Variants in EXOC1 observed in about 807,000 individuals in gnomAD.
EXOC1 encodes exocyst complex component 1, also known as SEC3-like 1.
EXOC1 carries 67 observed loss-of-function variants against 107.7 expected under a neutral mutation model. That is an observed-to-expected ratio of 0.62 (90% CI 0.51 to 0.76). EXOC1 has a LOEUF of 0.76. Ranked by LOEUF, EXOC1 falls within the 30% of genes least tolerant of loss-of-function variation. The pLI is 0.00. For missense variants in EXOC1, 833 were observed against 1,055.7 expected, an observed-to-expected ratio of 0.79 and a Z score of 2.92; for synonymous variants, 348 against 353.5, an observed-to-expected ratio of 0.98 and a Z score of 0.17.
Position 55,902,383 on chromosome 4 carries a change from A to G in EXOC1, c.2377A>G (p.Ile793Val). 1 of 1,572,494 alleles carries G rather than the reference A, an allele frequency of 6.4e-7. No individual in the cohort carries two copies. The highest frequency in any genetic ancestry group is 8.6e-7 in the Non-Finnish European group (1 of 1,163,032). ...EGVEARVAQG[I>V]REEEVSYQLA... The stretch of plus-strand genomic sequence containing the variant: ...TGTTGAAGCTCGCGTGGCACAGGGC[A>G]TAAGGGAGGAGGAAGTAAGTTACCA... Residue 793 changes from isoleucine to valine, a missense_variant, in exon 18 of 19, where the codon ATA becomes GTA. By Grantham distance (29) the Ile-to-Val change is conservative (BLOSUM62 3). Transcript: ENST00000381295.
chr4:55,863,261 T>C (rs1721645145), intron 3 of EXOC1, among the ~76,000 whole-genome samples: 1 of 152,138 alleles, frequency 6.6e-6, no homozygotes, highest in African/African-American at 2.4e-5. Context: ...TAGCCTGATG[T>C]GGATTATTGC....
chr4:55,877,577 G>T (rs978570348), intron 8 of EXOC1: 1 of 985,138 alleles, frequency 1.0e-6, no homozygotes, highest in African/African-American at 1.7e-5. Flanking sequence ...TATCAAGAAG[G>T]TCATTTGCTT....
intron 8 of EXOC1, 62 bp downstream of exon 8, chr4:55,872,020 C>T: frequency 1.4e-6 from 2 of 1,390,256 alleles, no homozygotes; most frequent in Non-Finnish European, 2.0e-6. Flanking sequence ...ATTAACCTTA[C>T]ATTTCCACAA....
intron 10 of EXOC1, 75 bp downstream of exon 10, chr4:55,884,003 C>A (rs958728825): frequency 9.2e-7 from 1 of 1,082,834 alleles, no homozygotes; most frequent in Admixed American, 2.8e-5. Flanking sequence ...TCTAAGACTT[C>A]TTAAGCAAGG....
intron 10 of EXOC1, 168 bp from the exon 11 acceptor site, chr4:55,888,720 T>C: frequency 3.2e-6 from 2 of 616,740 alleles, no homozygotes; most frequent in South Asian, 4.3e-5. Context: ...TCTCAAACAG[T>C]AGGTGACCAA....
At chr4:55,887,924 A>ATATCC (rs751654077) in intron 10 of EXOC1, among the ~76,000 whole-genome samples, 12,266 of 152,244 alleles carry the variant, frequency 0.081, 632 homozygotes, top group East Asian at 0.15. Flanking sequence ...AGCCAAGGCT[A>ATATCC]GAAAGATATA....
At chr4:55,900,043 C>T (rs1725717148) in intron 17 of EXOC1, among the ~76,000 whole-genome samples, 159 bp downstream of exon 17, 1 of 152,054 alleles carries the variant, frequency 6.6e-6, no homozygotes, top group South Asian at 2.1e-4. Context: ...CTGCTAGATG[C>T]TATATATTTT....
At chr4:55,877,884 A>G (rs956695497) in intron 8 of EXOC1, 33 bp from the exon 9 acceptor site, 2 of 1,610,372 alleles carry the variant, frequency 1.2e-6, no homozygotes, top group African/African-American at 2.7e-5. Context: ...TGTACTGTTG[A>G]TTACATTTAT....
chr4:55,876,315 C>T (rs755860197), intron 8 of EXOC1: 49 of 984,778 alleles, frequency 5.0e-5, no homozygotes, highest in Non-Finnish European at 5.5e-5. Flanking sequence ...CCACATAGGT[C>T]TACGCTCCGT....
chr4:55,880,524 GT>G (rs1723293886), intron 9 of EXOC1, among the ~76,000 whole-genome samples: 2 of 152,218 alleles, frequency 1.3e-5, no homozygotes, highest in South Asian at 2.1e-4. Flanking sequence ...GCCTTTTGAA[GT>G]TTTAGGAGGA....
chr4:55,877,930 G>T lies in EXOC1; in HGVS notation c.1088G>T (p.Ser363Ile), dbSNP rs1473728869. The change falls in exon 9 of 19, where the codon AGT becomes ATT. Residue 363 changes from serine (S) to isoleucine (I), a missense_variant. Coordinates refer to ENST00000381295, the MANE Select transcript of EXOC1 (RefSeq NM_001024924.2). ...NVFVQQGHDQ[S>I]STLAQHSVEL... ...TACTCACTTTAGGGTCATGATCAGA[G>T]TTCGACTCTTGCCCAACACTCTGTT... The T allele has an allele frequency of 5.0e-6, 8 of 1,613,550 alleles. No homozygotes were observed. Among genetic ancestry groups the T allele is most frequent in the Non-Finnish European group, 6.8e-6 (8 of 1,179,838 alleles).
At position 55,896,790 on chromosome 4, in the gene EXOC1, C is replaced by A; in HGVS notation, c.2027C>A (p.Ala676Asp). The A allele has an allele frequency of 6.2e-7, 1 of 1,611,678 alleles. No individual in the cohort carries two copies. The highest frequency in any genetic ancestry group is 1.3e-5 in the African/African-American group (1 of 74,870). ...KSKVGILPFVAEFEEFAGLAE... is the reference protein window; with the variant it reads ...KSKVGILPFVDEFEEFAGLAE... ...AAAGTTGGAATTCTTCCATTTGTTG[C>A]TGAATTTGAAGAATTTGCTGGACTT... Residue 676 changes from alanine to aspartate, a missense_variant, in exon 16 of 19, where the codon GCT (alanine) becomes GAT (aspartate). This residue lies in a region of EXOC1 where 216 missense variants were observed against 354.4 expected (regional missense o/e 0.61). Transcript: ENST00000381295.
rs1443647142 is a variant in EXOC1, at chr4:55,868,327, C to T, written c.416-9C>T. The T allele has an allele frequency of 3.1e-6, 5 of 1,590,368 alleles. No homozygotes were observed. Among genetic ancestry groups the T allele is most frequent in the Non-Finnish European group, 4.3e-6 (5 of 1,166,820 alleles). ...TGACTATTTTACTTTGAATTTTTAC[C>T]TCTTTAAGAATCTGTTCCAAGTGGA... On this transcript the variant is annotated splice_polypyrimidine_tract_variant and intron_variant, in intron 4 of 18. Transcript: ENST00000381295.
chr4:55,879,674 A>G (rs1723205799), intron 9 of EXOC1, among the ~76,000 whole-genome samples: 1 of 152,200 alleles, frequency 6.6e-6, no homozygotes, highest in Non-Finnish European at 1.5e-5. Context: ...TAGTTTAGGA[A>G]TTGGACATCA....
At chr4:55,872,890 A>T (rs1722573553) in intron 8 of EXOC1, 1 of 441,844 alleles carries the variant, frequency 2.3e-6, no homozygotes, top group Non-Finnish European at 3.0e-6. Context: ...ACAGCAGCCG[A>T]ATCTTTACAG....
Position 55,893,773 on chromosome 4 carries a change from A to G in EXOC1, c.1946A>G (p.Lys649Arg). The G allele has an allele frequency of 6.2e-7, 1 of 1,610,050 alleles. No individual in the cohort carries two copies. The highest frequency in any genetic ancestry group is 8.5e-7 in the Non-Finnish European group (1 of 1,177,858). ...GTGACTGTCAAAAGGAACTTTGACA[A>G]ATGCATTGTAAGTTTTCTTTTTTAA... The part of the protein sequence containing the change: ...VLVTVKRNFD[K>R]CISNQIRQME... The change falls in exon 15 of 19, where the codon AAA becomes AGA. Residue 649 changes from lysine to arginine, a missense_variant. Lys to Arg is a conservative substitution (Grantham distance 26). Coordinates refer to ENST00000381295, the MANE Select transcript of EXOC1 (RefSeq NM_001024924.2).
At chr4:55,883,951 A>G in intron 10 of EXOC1, 23 bp downstream of exon 10, 2 of 1,497,990 alleles carry the variant, frequency 1.3e-6, no homozygotes, top group Non-Finnish European at 9.1e-7. Flanking sequence ...ATGTCAGTTC[A>G]TTATCTTCCT....
At chr4:55,899,196 C>A (rs752663278) in intron 16 of EXOC1, among the ~76,000 whole-genome samples, 1 of 152,046 alleles carries the variant, frequency 6.6e-6, no homozygotes, top group Non-Finnish European at 1.5e-5. Flanking sequence ...ATTTATCTTT[C>A]CCCTTAACAG....
At position 55,858,313 on chromosome 4, in the gene EXOC1, G is replaced by T. The variant is rs1406898546; in HGVS notation, c.-10-1G>T. 1 of 1,600,340 alleles carries T rather than the reference G, an allele frequency of 6.2e-7. No homozygotes were observed. The highest frequency in any genetic ancestry group is 8.5e-7 in the Non-Finnish European group (1 of 1,174,486). ...TAATATCTATACTCCACATTTTTCAGCTGAGAAAAGATGACAGCAATCAAG... is the reference window on the plus strand; with the variant it reads ...TAATATCTATACTCCACATTTTTCATCTGAGAAAAGATGACAGCAATCAAG... On this transcript the variant is annotated splice_acceptor_variant, in intron 1 of 18. Coordinates refer to ENST00000381295, the MANE Select transcript of EXOC1 (RefSeq NM_001024924.2). LOFTEE classifies it low-confidence loss of function (5UTR_SPLICE).
Sources: allele counts gnomAD v4.1 joint callset (sites outside exome capture counted in the v4.1 genomes callset), GRCh38; gene constraint gnomAD v4.1.1; regional missense constraint gnomAD v4.1.1; transcripts MANE v1.5; gene names NCBI Gene and HGNC (gene_info 2026-07-23, HGNC 2026-07-21).